The following CNTN4 variants were observed in gnomAD, a reference collection of about 807,000 sequenced individuals.
The protein encoded by CNTN4 is contactin 4, also known as contactin-4.
CNTN4 carries 77 observed loss-of-function variants against 122.5 expected under a neutral mutation model. The observed-to-expected ratio is 0.63, with a 90% CI of 0.52 to 0.76. The LOEUF is 0.76. Ranked by LOEUF, CNTN4 falls within the 30% of genes least tolerant of loss-of-function variation. The pLI is 0.00. For missense variants in CNTN4, 1,256 were observed against 1,259.1 expected (o/e 1.00, Z 0.04); for synonymous variants, 512 against 447.0 (o/e 1.15, Z -1.83).
chr3:2,644,291 T>G (rs1014745540), intron 4 of CNTN4, among the ~76,000 whole-genome samples: 2 of 152,206 alleles, frequency 1.3e-5, no homozygotes, highest in Non-Finnish European at 2.9e-5. Context: ...AGTCTCAGAA[T>G]GGGTCTAGTG....
At chr3:2,279,799 T>C (rs2041650331) in intron 2 of CNTN4, among the ~76,000 whole-genome samples, 2 of 151,528 alleles carry the variant, frequency 1.3e-5, no homozygotes, top group Admixed American at 1.3e-4. Context: ...ATATTCTGTC[T>C]AAAAATTCTC....
chr3:2,420,916 A>G (rs909390836), intron 3 of CNTN4, among the ~76,000 whole-genome samples: 1 of 152,200 alleles, frequency 6.6e-6, no homozygotes, highest in Non-Finnish European at 1.5e-5. Context: ...TGTCAGAGAA[A>G]GAATGTACTT....
At chr3:2,649,738 T>C (rs2083280614) in intron 4 of CNTN4, among the ~76,000 whole-genome samples, 1 of 152,070 alleles carries the variant, frequency 6.6e-6, no homozygotes, top group African/African-American at 2.4e-5. Flanking sequence ...ATGCATTTTA[T>C]AAGGTTATAG....
chr3:2,872,248 C>T (rs561679934), intron 8 of CNTN4, among the ~76,000 whole-genome samples: 3 of 152,266 alleles, frequency 2.0e-5, no homozygotes, highest in Admixed American at 6.5e-5. Context: ...TCTTTAGCCA[C>T]TTACATGGCT....
chr3:2,358,754 T>G (rs1463251748), intron 3 of CNTN4, among the ~76,000 whole-genome samples: 1 of 152,198 alleles, frequency 6.6e-6, no homozygotes, highest in Admixed American at 6.5e-5. Context: ...TGTCAATTTA[T>G]TGGTTATATA....
rs1559789736 is a variant in CNTN4 at position 3,014,046 on chromosome 3, G to GCACACACACACA, written c.1487-12056_1487-12055insCACACACACACA. 2.0e-4 allele frequency among the ~76,000 whole-genome samples: 18 copies of GCACACACACACA among 87,812 alleles called. No individual in the cohort carries two copies. The East Asian group carries it at 6.3e-3, about 31-fold the overall frequency. 57.6% of individuals were successfully genotyped at this position (87,812 alleles called of 152,430 possible). ...TTTATTGAGGAACAGACATTTAAAT[G>GCACACACACACA]TACACACACACACACACACACACAC... On this transcript the variant is annotated intron_variant, in intron 14 of 24. Coordinates refer to ENST00000418658, the MANE Select transcript of CNTN4 (RefSeq NM_175607.3).
intron 2 of CNTN4, among the ~76,000 whole-genome samples, chr3:2,160,900 G>A (rs2035938132): frequency 1.3e-5 from 2 of 152,124 alleles, no homozygotes; most frequent in South Asian, 4.1e-4. Context: ...CTAGGATACA[G>A]GGTGAACAAG....
At chr3:2,323,382 C>A (rs868814202) in intron 2 of CNTN4, among the ~76,000 whole-genome samples, 8 of 152,126 alleles carry the variant, frequency 5.3e-5, no homozygotes, top group Non-Finnish European at 1.0e-4. Flanking sequence ...CATGGAGATT[C>A]ATGGAACCTG....
intron 2 of CNTN4, among the ~76,000 whole-genome samples, chr3:2,281,181 A>AT (rs1389281800): frequency 6.6e-6 from 1 of 152,102 alleles, no homozygotes; most frequent in East Asian, 1.9e-4. Context: ...TACCTCTTCC[A>AT]TTTTTTATAC....
chr3:2,321,993 C>T (rs2043291179), intron 2 of CNTN4, among the ~76,000 whole-genome samples: 1 of 152,150 alleles, frequency 6.6e-6, no homozygotes, highest in African/African-American at 2.4e-5. Context: ...ACATTACCAA[C>T]ACCTGTAGTT....
chr3:2,819,622 GTTAT>G, intron 7 of CNTN4, 41 bp downstream of exon 7: 1 of 1,387,576 alleles, frequency 7.2e-7, no homozygotes, highest in East Asian at 2.3e-5. Flanking sequence ...TTCACTCTCT[GTTAT>G]TTTTCTTCCT....
intron 13 of CNTN4, among the ~76,000 whole-genome samples, chr3:2,938,295 A>G (rs1007309825): frequency 5.3e-5 from 8 of 149,552 alleles, no homozygotes; most frequent in African/African-American, 2.0e-4. Context: ...AGCATTTTCA[A>G]CCCCCCATCT....
At chr3:2,882,801 C>G (rs2093927682) in intron 8 of CNTN4, 3 of 273,756 alleles carry the variant, frequency 1.1e-5, no homozygotes, top group South Asian at 4.0e-5. Context: ...CTGCAGTATA[C>G]TTCCAAAGAG....
intron 4 of CNTN4, among the ~76,000 whole-genome samples, chr3:2,655,138 T>G (rs189379539): frequency 7.3e-4 from 111 of 152,310 alleles, no homozygotes; most frequent in African/African-American, 2.6e-3. Context: ...TTTCAAGGAA[T>G]TTAGAAAATA....
chr3:2,907,708 C>T (rs534381130), intron 12 of CNTN4, among the ~76,000 whole-genome samples: 15 of 152,200 alleles, frequency 9.9e-5, no homozygotes, highest in East Asian at 7.7e-4. Flanking sequence ...GATAGCCCTA[C>T]GGTCATGAAT....
intron 13 of CNTN4, among the ~76,000 whole-genome samples, chr3:2,979,919 AGG>A (rs1693797002): frequency 6.6e-6 from 1 of 152,186 alleles, no homozygotes; most frequent in African/African-American, 2.4e-5. Flanking sequence ...GAAAAATCAT[AGG>A]TCTCCATTTT....
At chr3:2,456,980 T>C (rs1436276778) in intron 3 of CNTN4, among the ~76,000 whole-genome samples, 1 of 152,158 alleles carries the variant, frequency 6.6e-6, no homozygotes, top group African/African-American at 2.4e-5. Flanking sequence ...AATACTATTA[T>C]TATCTCTGTT....
intron 2 of CNTN4, among the ~76,000 whole-genome samples, chr3:2,234,981 TG>T: frequency 6.6e-6 from 1 of 152,234 alleles, no homozygotes; most frequent in South Asian, 2.1e-4. Flanking sequence ...TTTATTTTTT[TG>T]GGGAAAAAAA....
At chr3:2,718,068 A>G (rs1032177789) in intron 4 of CNTN4, among the ~76,000 whole-genome samples, 11 of 152,108 alleles carry the variant, frequency 7.2e-5, no homozygotes, top group Admixed American at 5.2e-4. Flanking sequence ...CTAGATTATT[A>G]TTAGATACAT....
Sources: gnomAD v4.1 joint callset for allele counts (sites outside exome capture counted in the v4.1 genomes callset) on GRCh38, gnomAD v4.1.1 for gene constraint, MANE v1.5 for transcripts, NCBI Gene and HGNC (gene_info 2026-07-23, HGNC 2026-07-21) for gene names.